The following USP34 variants were observed in gnomAD, a reference collection of about 807,000 sequenced individuals.
USP34 encodes the protein ubiquitin specific peptidase 34, also known as ubiquitin carboxyl-terminal hydrolase 34.
In USP34, 70 loss-of-function variants were observed where a neutral mutation model predicts 460.3. The ratio of observed to expected loss-of-function variants is 0.15; its 90% CI spans 0.13 to 0.19. The LOEUF is 0.19. USP34 is among the 10% of genes least tolerant of loss of function. The pLI, the probability that USP34 is intolerant of heterozygous loss-of-function variation, is 1.00. For synonymous variants in USP34, 1,647 were observed against 1,405.3 expected (o/e 1.17, Z -3.85); for missense variants, 3,985 against 4,236.2 (o/e 0.94, Z 1.65).
rs966825286 is a variant in USP34, at chr2:61,420,740, G to A, written c.131+6C>T. The A allele has an allele frequency of 1.1e-5, 18 of 1,590,338 alleles. No homozygotes were observed. Among genetic ancestry groups the A allele is most frequent in the Non-Finnish European group, 1.5e-5 (18 of 1,169,828 alleles). On this transcript the variant is annotated splice_donor_region_variant and intron_variant, in intron 2 of 79. Coordinates refer to ENST00000398571, the MANE Select transcript of USP34 (RefSeq NM_014709.4). ...ATTAGTCTTCGAAATACCTAAAGAT[G>A]CATACCTCTGTGTCCAGGAATTGAT...
intron 1 of USP34, among the ~76,000 whole-genome samples, chr2:61,424,502 G>A (rs961185462): frequency 1.3e-5 from 2 of 152,138 alleles, no homozygotes; most frequent in Admixed American, 1.3e-4. Context: ...ATGCGTTTCA[G>A]TTTTGTCACA....
rs926703362 is a variant in USP34 at position 61,469,631 on chromosome 2, A to C, written c.43+1019T>G. ...ATTTTATAAATCAACTGTTTTAGCG[A>C]ATTGTATTACAAAATTAGATAGTCT... On this transcript the variant is annotated intron_variant, in intron 1 of 79. Transcript: ENST00000398571. Among the ~76,000 whole-genome samples the C allele has an allele frequency of 3.9e-5, 6 of 152,346 alleles. No individual in the cohort carries two copies. In the South Asian group the frequency reaches 1.2e-3, roughly 32 times the overall value.
At chr2:61,390,135 C>T (rs1338611011) in intron 5 of USP34, among the ~76,000 whole-genome samples, 1 of 152,188 alleles carries the variant, frequency 6.6e-6, no homozygotes, top group Non-Finnish European at 1.5e-5. Flanking sequence ...CAAGCTTATA[C>T]CTTTGACTAA....
chr2:61,466,040 G>T (rs375668932), intron 1 of USP34, among the ~76,000 whole-genome samples: 2 of 151,938 alleles, frequency 1.3e-5, no homozygotes, highest in East Asian at 1.9e-4. Flanking sequence ...TAGAGGGAGG[G>T]GAGGGATAGG....
chr2:61,199,381 G>A (rs1399339200), intron 75 of USP34, among the ~76,000 whole-genome samples: 3 of 152,054 alleles, frequency 2.0e-5, no homozygotes, highest in Non-Finnish European at 2.9e-5. Flanking sequence ...TCAGCCACCC[G>A]AGTAGCTGGG....
At chr2:61,210,454 C>T (rs1485105241) in intron 69 of USP34, among the ~76,000 whole-genome samples, 2 of 152,100 alleles carry the variant, frequency 1.3e-5, no homozygotes, top group Non-Finnish European at 2.9e-5. Flanking sequence ...ACCATATATC[C>T]TAGGGGTGTA....
intron 8 of USP34, among the ~76,000 whole-genome samples, chr2:61,377,179 G>T (rs1692823286): frequency 6.6e-6 from 1 of 151,984 alleles, no homozygotes; most frequent in South Asian, 2.1e-4. Context: ...TAGCCTGAAG[G>T]GAAAAAAGAG....
intron 34 of USP34, among the ~76,000 whole-genome samples, chr2:61,287,454 A>C (rs1373909134): frequency 6.6e-6 from 1 of 152,174 alleles, no homozygotes; most frequent in Non-Finnish European, 1.5e-5. Context: ...AATACAGTTG[A>C]CCCTTGAACA....
intron 64 of USP34, 153 bp downstream of exon 64, chr2:61,222,907 G>A: frequency 2.7e-6 from 2 of 731,728 alleles, no homozygotes; most frequent in Non-Finnish European, 4.4e-6. Context: ...ATGTTGCCTA[G>A]GCTGGTCTCA....
intron 1 of USP34, among the ~76,000 whole-genome samples, chr2:61,466,861 G>A (rs986636914): frequency 4.7e-5 from 7 of 149,026 alleles, no homozygotes; most frequent in South Asian, 2.1e-4. Flanking sequence ...GCAGCTAGCC[G>A]ACACTGCATT....
intron 71 of USP34, 43 bp downstream of exon 71, chr2:61,206,717 A>G (rs772315514): frequency 1.2e-6 from 2 of 1,601,740 alleles, no homozygotes; most frequent in East Asian, 4.5e-5. Context: ...CTCTCTCTTT[A>G]CTAGTAGCAC....
intron 20 of USP34, among the ~76,000 whole-genome samples, chr2:61,330,189 GTCATA>G (rs1691218128): frequency 6.6e-6 from 1 of 152,194 alleles, no homozygotes; most frequent in Non-Finnish European, 1.5e-5. Flanking sequence ...TGGACAAGTT[GTCATA>G]TCATATAGCT....
chr2:61,279,349 G>A (rs1385281196), intron 39 of USP34, among the ~76,000 whole-genome samples: 1 of 152,024 alleles, frequency 6.6e-6, no homozygotes, highest in African/African-American at 2.4e-5. Flanking sequence ...TATTTCAAAG[G>A]ATCTTCTTTA....
intron 1 of USP34, among the ~76,000 whole-genome samples, chr2:61,456,765 C>A (rs1452994181): frequency 6.7e-6 from 1 of 149,848 alleles, no homozygotes. Context: ...CCAGCCTGGG[C>A]AACACAGTGG....
At chr2:61,270,599 C>A (rs1689184511) in intron 41 of USP34, among the ~76,000 whole-genome samples, 1 of 152,038 alleles carries the variant, frequency 6.6e-6, no homozygotes, top group South Asian at 2.1e-4. Context: ...CCATGCCTGG[C>A]TAATTTTTGT....
chr2:61,385,587 G>C (rs1028408765), intron 5 of USP34, among the ~76,000 whole-genome samples: 2 of 144,820 alleles, frequency 1.4e-5, no homozygotes, highest in African/African-American at 5.1e-5. Flanking sequence ...CAGGAGAATG[G>C]CGTGAACCTG....
rs1185610077 is a variant in USP34, at chr2:61,188,615, G to C, written c.10128C>G (p.Thr3376=). 6.2e-7 allele frequency: 1 copy of C among 1,614,140 alleles called. No homozygotes were observed. The highest frequency in any genetic ancestry group is 1.1e-5 in the South Asian group (1 of 91,080). ...TGCTCGTTGGGGTCAGGACCTCCCT[G>C]GTTTCTGTTTTCATGTCACTGATGC... The part of the protein sequence containing the change: ...DSCISDMKTE[T]REVLTPTSTS... The change falls in exon 80 of 80, where the codon ACC becomes ACG. Residue 3376 remains threonine, a synonymous_variant. Transcript: ENST00000398571.
intron 32 of USP34, among the ~76,000 whole-genome samples, chr2:61,294,206 T>C (rs370971452): frequency 1.3e-5 from 2 of 151,196 alleles, no homozygotes; most frequent in Non-Finnish European, 3.0e-5. Context: ...ATTAGCCGGG[T>C]GTGGTGGCGG....
chr2:61,447,719 T>C (rs1343825153), intron 1 of USP34, among the ~76,000 whole-genome samples: 3 of 152,088 alleles, frequency 2.0e-5, no homozygotes, highest in Non-Finnish European at 4.4e-5. Context: ...TTTTTTCTTT[T>C]ATTTATTTAT....
Sources: gnomAD v4.1 joint callset for allele counts (sites outside exome capture counted in the v4.1 genomes callset) on GRCh38, gnomAD v4.1.1 for gene constraint, MANE v1.5 for transcripts, NCBI Gene and HGNC (gene_info 2026-07-23, HGNC 2026-07-21) for gene names.